Variants in SCN10A observed in about 807,000 individuals in gnomAD.
SCN10A encodes sodium channel protein type 10 subunit alpha.
In SCN10A, 162 loss-of-function variants were observed where a neutral mutation model predicts 170.7. The ratio of observed to expected loss-of-function variants is 0.95; its 90% CI spans 0.84 to 1.08. The LOEUF (loss-of-function observed/expected upper bound fraction) is 1.08. SCN10A is among the 50% of genes least tolerant of loss of function. SCN10A has a pLI of 0.00. For synonymous variants in SCN10A, 985 were observed against 904.6 expected (o/e 1.09, Z -1.59); for missense variants, 2,527 against 2,436.9 (o/e 1.04, Z -0.78).
chr3:38,766,046 G>A (rs1190819646), intron 5 of SCN10A, among the ~76,000 whole-genome samples: 2 of 151,304 alleles, frequency 1.3e-5, no homozygotes, highest in Non-Finnish European at 2.9e-5. Flanking sequence ...GGTTTCTGGT[G>A]GTGTACAGTA....
chr3:38,744,656 T>C (rs1421775691), intron 13 of SCN10A, among the ~76,000 whole-genome samples: 1 of 152,192 alleles, frequency 6.6e-6, no homozygotes, highest in East Asian at 1.9e-4. Context: ...AGTTTCACTT[T>C]TTTCACTTAA....
At chr3:38,717,089 A>G (rs1372951134) in intron 21 of SCN10A, among the ~76,000 whole-genome samples, 1 of 152,220 alleles carries the variant, frequency 6.6e-6, no homozygotes, top group African/African-American at 2.4e-5. Flanking sequence ...AATGAATCAA[A>G]AGATAGAAAG....
intron 1 of SCN10A, among the ~76,000 whole-genome samples, chr3:38,799,963 C>T (rs2064361790): frequency 6.6e-6 from 1 of 152,132 alleles, no homozygotes; most frequent in African/African-American, 2.4e-5. Flanking sequence ...ATCCCTGGTC[C>T]ATCATGGTCC....
At chr3:38,801,043 G>T (rs1008861170) in intron 1 of SCN10A, among the ~76,000 whole-genome samples, 14 of 152,172 alleles carry the variant, frequency 9.2e-5, no homozygotes, top group African/African-American at 2.9e-4. Flanking sequence ...AGAGCTGCTT[G>T]GTAGAGGCTG....
chr3:38,749,737 T>G (rs1215242356), intron 13 of SCN10A, among the ~76,000 whole-genome samples: 2 of 152,238 alleles, frequency 1.3e-5, no homozygotes, highest in African/African-American at 4.8e-5. Context: ...ATGGTTAAAT[T>G]TCTTGTACAC....
At chr3:38,732,470 T>A (rs932289149) in intron 15 of SCN10A, among the ~76,000 whole-genome samples, 3 of 152,194 alleles carry the variant, frequency 2.0e-5, no homozygotes. Context: ...GAGACATACA[T>A]CTCTATTATG....
intron 5 of SCN10A, among the ~76,000 whole-genome samples, chr3:38,769,826 G>T (rs551625796): frequency 3.5e-4 from 53 of 152,270 alleles, no homozygotes; most frequent in Middle Eastern, 3.4e-3. Flanking sequence ...GATCGTTATT[G>T]TTCTTCTGGG....
At chr3:38,766,156 G>T (rs763182916) in intron 5 of SCN10A, among the ~76,000 whole-genome samples, 7 of 151,834 alleles carry the variant, frequency 4.6e-5, no homozygotes, top group Admixed American at 1.3e-4. Context: ...GGGTTTCCTA[G>T]GCATACGATC....
intron 4 of SCN10A, among the ~76,000 whole-genome samples, chr3:38,783,815 C>T (rs2064166925): frequency 6.6e-6 from 1 of 152,034 alleles, no homozygotes; most frequent in Non-Finnish European, 1.5e-5. Flanking sequence ...AATTTACACT[C>T]CCACCAGCAG....
At chr3:38,707,978 C>A (rs2063228904) in intron 25 of SCN10A, among the ~76,000 whole-genome samples, 1 of 152,158 alleles carries the variant, frequency 6.6e-6, no homozygotes, top group African/African-American at 2.4e-5. Context: ...ATGTTTTCCT[C>A]CCTTAGGATT....
intron 4 of SCN10A, 108 bp downstream of exon 4, chr3:38,788,848 A>T (rs2064242750): frequency 1.4e-6 from 1 of 710,930 alleles, no homozygotes; most frequent in Non-Finnish European, 2.6e-6. Flanking sequence ...GAGATTCAGC[A>T]TTACCCACAT....
Position 38,727,034 on chromosome 3 carries a change from C to T in SCN10A, c.2659G>A (p.Ala887Thr), listed in dbSNP as rs967347660. ...GCACTGAAAGAGTTCAATAGCAGGGCGATGAACAGGTTAAGCACCTGAAGA... is the reference window on the plus strand; with the variant it reads ...GCACTGAAAGAGTTCAATAGCAGGGTGATGAACAGGTTAAGCACCTGAAGA... ...GNLVVLNLFI[A>T]LLLNSFSADN... is the part of the protein sequence containing the mutation. The change falls in exon 17 of 28, where the codon GCC (alanine) becomes ACC (threonine). Residue 887 changes from alanine (A) to threonine (T), a missense_variant. Coordinates refer to ENST00000449082, the MANE Select transcript of SCN10A (RefSeq NM_006514.4). 1.9e-6 allele frequency: 3 copies of T among 1,611,076 alleles called. No individual in the cohort carries two copies. The highest frequency in any genetic ancestry group is 8.5e-7 in the Non-Finnish European group (1 of 1,177,474).
At chr3:38,814,362 T>C (rs1222982598) in intron 1 of SCN10A, among the ~76,000 whole-genome samples, 1 of 152,086 alleles carries the variant, frequency 6.6e-6, no homozygotes, top group Non-Finnish European at 1.5e-5. Flanking sequence ...CTGGTCTGTA[T>C]TCTGAGAGAG....
chr3:38,764,144 C>G (rs1231641571), intron 5 of SCN10A, among the ~76,000 whole-genome samples: 1 of 152,194 alleles, frequency 6.6e-6, no homozygotes, highest in East Asian at 1.9e-4. Context: ...CACATGGACA[C>G]CCATGCAAAT....
At chr3:38,741,938 G>C (rs979212075) in intron 14 of SCN10A, among the ~76,000 whole-genome samples, 1 of 152,186 alleles carries the variant, frequency 6.6e-6, no homozygotes, top group African/African-American at 2.4e-5. Context: ...AGATAAAAAA[G>C]TGACATTTAT....
intron 5 of SCN10A, among the ~76,000 whole-genome samples, chr3:38,765,524 T>C (rs933656825): frequency 6.6e-6 from 1 of 152,184 alleles, no homozygotes; most frequent in Non-Finnish European, 1.5e-5. Flanking sequence ...TGCTTGTAAG[T>C]ATTTGGCTTT....
Position 38,775,032 on chromosome 3 carries a change from T to C in SCN10A, c.471-3625A>G, listed in dbSNP as rs565518840. On this transcript the variant is annotated intron_variant, in intron 4 of 27. Coordinates refer to ENST00000449082, the MANE Select transcript of SCN10A (RefSeq NM_006514.4). ...TTGCTGACCATGTGGCTGGAGTTTC[T>C]TCAATGGCAATTTAACACCTTTCCT... Among the ~76,000 whole-genome samples, 6 of 152,294 alleles carry C rather than the reference T, an allele frequency of 3.9e-5. No homozygotes were observed. In the South Asian group the frequency reaches 1.2e-3, roughly 32 times the overall value.
chr3:38,753,731 A>G (rs555050939), intron 11 of SCN10A, among the ~76,000 whole-genome samples: 40 of 152,352 alleles, frequency 2.6e-4, no homozygotes, highest in Middle Eastern at 3.4e-3. Context: ...CAAGCAAACC[A>G]ATGAAGAAAC....
intron 5 of SCN10A, among the ~76,000 whole-genome samples, chr3:38,768,299 A>C (rs57989962): frequency 2.7e-4 from 41 of 151,898 alleles, no homozygotes; most frequent in African/African-American, 9.9e-4. Context: ...TATTGCCTTA[A>C]TTCCTTTTTT....
Sources: gnomAD v4.1 joint callset for allele counts (sites outside exome capture counted in the v4.1 genomes callset) on GRCh38, gnomAD v4.1.1 for gene constraint, MANE v1.5 for transcripts, NCBI Gene and HGNC (gene_info 2026-07-23, HGNC 2026-07-21) for gene names.